The following HECW1 variants were observed in gnomAD, a reference collection of about 807,000 sequenced individuals.
HECW1 encodes the protein E3 ubiquitin-protein ligase HECW1.
Under a neutral mutation model 182.3 loss-of-function variants are expected in HECW1, and 61 were observed. The observed-to-expected ratio is 0.33, with a 90% confidence interval of 0.27 to 0.41. HECW1 has a LOEUF of 0.41. Ranked by LOEUF, HECW1 falls within the 10% of genes least tolerant of loss-of-function variation. HECW1 has a pLI of 1.00. For synonymous variants in HECW1, 859 were observed against 832.6 expected (o/e 1.03, Z -0.55); for missense variants, 1,739 against 2,108.9 (o/e 0.82, Z 3.44).
At chr7:43,493,519 T>TAA (rs892501901) in intron 19 of HECW1, among the ~76,000 whole-genome samples, 2 of 152,188 alleles carry the variant, frequency 1.3e-5, no homozygotes, top group African/African-American at 4.8e-5. Context: ...TTTTGAAATA[T>TAA]AATTGTTGAA....
At chr7:43,440,278 A>G (rs1293960750) in intron 9 of HECW1, 1 of 152,742 alleles carries the variant, frequency 6.5e-6, no homozygotes, top group Non-Finnish European at 1.5e-5. Context: ...CTCCACCTGT[A>G]CTGGCTGCCT....
chr7:43,442,499 A>G, intron 9 of HECW1, 30 bp from the exon 10 acceptor site: 1 of 1,499,780 alleles, frequency 6.7e-7, no homozygotes, highest in Non-Finnish European at 9.3e-7. Context: ...GGTATTGACC[A>G]GAACTGTGAT....
At chr7:43,318,725 G>C (rs1471200712) in intron 4 of HECW1, among the ~76,000 whole-genome samples, 5 of 152,234 alleles carry the variant, frequency 3.3e-5, no homozygotes, top group Non-Finnish European at 7.3e-5. Flanking sequence ...TCTCAGTCCA[G>C]CCAGATGCAG....
At chr7:43,277,676 C>G (rs1302853494) in intron 3 of HECW1, among the ~76,000 whole-genome samples, 1 of 152,178 alleles carries the variant, frequency 6.6e-6, no homozygotes, top group African/African-American at 2.4e-5. Flanking sequence ...ACTTCCTTCT[C>G]CATTTACCAC....
intron 5 of HECW1, among the ~76,000 whole-genome samples, chr7:43,344,856 A>G (rs892242054): frequency 6.6e-6 from 1 of 152,174 alleles, no homozygotes; most frequent in Non-Finnish European, 1.5e-5. Context: ...CTCGGATTCA[A>G]AATTTCTGTT....
chr7:43,351,093 G>T (rs902007961), intron 5 of HECW1, among the ~76,000 whole-genome samples: 1 of 152,140 alleles, frequency 6.6e-6, no homozygotes, highest in Non-Finnish European at 1.5e-5. Flanking sequence ...TTTTCCTACG[G>T]TGTGGCTTCC....
intron 8 of HECW1, among the ~76,000 whole-genome samples, chr7:43,409,122 C>T (rs967576817): frequency 2.6e-5 from 4 of 152,192 alleles, no homozygotes; most frequent in East Asian, 1.9e-4. Context: ...AATCATACCA[C>T]CCCCTTCCTG....
chr7:43,192,045 C>T (rs545440047), intron 2 of HECW1, among the ~76,000 whole-genome samples: 36 of 151,882 alleles, frequency 2.4e-4, no homozygotes, highest in African/African-American at 7.5e-4. Context: ...CTGCAACCTC[C>T]GCCTCCTGGG....
chr7:43,356,804 TA>T (rs1815200003), intron 5 of HECW1, among the ~76,000 whole-genome samples: 1 of 151,060 alleles, frequency 6.6e-6, no homozygotes, highest in Non-Finnish European at 1.5e-5. Context: ...ATGGAGAAAT[TA>T]AGAAAAAAGT....
intron 5 of HECW1, among the ~76,000 whole-genome samples, chr7:43,349,571 TA>T (rs1251058645): frequency 1.3e-5 from 2 of 152,238 alleles, no homozygotes; most frequent in Non-Finnish European, 2.9e-5. Context: ...AGGATTGTGA[TA>T]TTTTCCTTTG....
At chr7:43,550,382 G>C in intron 26 of HECW1, 63 bp from the exon 27 acceptor site, 1 of 1,587,186 alleles carries the variant, frequency 6.3e-7, no homozygotes, top group African/African-American at 1.3e-5. Context: ...CCTAAAATCA[G>C]TGTGCCTCCC....
At chr7:43,429,758 G>C (rs183452834) in intron 8 of HECW1, among the ~76,000 whole-genome samples, 39 of 152,296 alleles carry the variant, frequency 2.6e-4, no homozygotes, top group Admixed American at 2.4e-3. Context: ...ACCATGTCCA[G>C]TCCATTTAAT....
chr7:43,372,275 G>T (rs1409255716), intron 6 of HECW1, among the ~76,000 whole-genome samples: 1 of 152,122 alleles, frequency 6.6e-6, no homozygotes, highest in Non-Finnish European at 1.5e-5. Context: ...GATTATGTGG[G>T]GGTGGGGTGT....
chr7:43,176,585 A>C (rs903966209), intron 2 of HECW1, among the ~76,000 whole-genome samples: 8 of 152,216 alleles, frequency 5.3e-5, no homozygotes, highest in African/African-American at 1.9e-4. Flanking sequence ...ATAGATGGTC[A>C]AACTGGCTTT....
intron 2 of HECW1, among the ~76,000 whole-genome samples, chr7:43,134,965 T>G (rs1787364457): frequency 6.6e-6 from 1 of 152,194 alleles, no homozygotes; most frequent in African/African-American, 2.4e-5. Context: ...AGGTTTTTGC[T>G]CTCGTTGACT....
chr7:43,156,027 T>C (rs1197558965), intron 2 of HECW1, among the ~76,000 whole-genome samples: 1 of 152,152 alleles, frequency 6.6e-6, no homozygotes, highest in Non-Finnish European at 1.5e-5. Context: ...AGGAAGAAAA[T>C]TAGCACTGCA....
At chr7:43,214,263 A>G (rs1796256894) in intron 2 of HECW1, among the ~76,000 whole-genome samples, 1 of 152,102 alleles carries the variant, frequency 6.6e-6, no homozygotes, top group Non-Finnish European at 1.5e-5. Flanking sequence ...AAAATAAAGC[A>G]AATAAACAAT....
chr7:43,236,875 T>C (rs183875151), intron 2 of HECW1, among the ~76,000 whole-genome samples: 35 of 152,162 alleles, frequency 2.3e-4, no homozygotes, highest in Non-Finnish European at 4.9e-4. Flanking sequence ...CTGCCTTATT[T>C]AGGAATAAAA....
chr7:43,316,292 C>T (rs1450070806), intron 4 of HECW1, among the ~76,000 whole-genome samples: 1 of 152,068 alleles, frequency 6.6e-6, no homozygotes, highest in Non-Finnish European at 1.5e-5. Flanking sequence ...ATGTTATGTA[C>T]AAAATGTACG....
Sources: allele counts gnomAD v4.1 joint callset (sites outside exome capture counted in the v4.1 genomes callset), GRCh38; gene constraint gnomAD v4.1.1; transcripts MANE v1.5; gene names NCBI Gene and HGNC (gene_info 2026-07-23, HGNC 2026-07-21).